Variants in EVA1A observed in about 807,000 individuals in gnomAD.
EVA1A encodes the protein eva-1 homolog A, regulator of programmed cell death.
Under a neutral mutation model 9.8 loss-of-function variants are expected in EVA1A, and 7 were observed. The observed-to-expected ratio is 0.71, with a 90% CI of 0.41 to 1.34. The LOEUF (loss-of-function observed/expected upper bound fraction) is 1.34, where lower values mean the gene tolerates loss of function less well. EVA1A is among the 40% of genes most tolerant of loss of function. The pLI is 0.01. For synonymous variants in EVA1A, 90 were observed against 85.6 expected, an observed-to-expected ratio of 1.05 and a Z score of -0.28; for missense variants, 206 against 205.9, an observed-to-expected ratio of 1.00 and a Z score of 0.00.
rs115723766 is a variant in EVA1A, at chr2:75,531,320, C to T, written c.-191-8833G>A. Among the ~76,000 whole-genome samples the T allele has an allele frequency of 6.0e-3, 915 of 152,232 alleles. 9 individuals are homozygous for T. Among genetic ancestry groups the T allele is most frequent in the Middle Eastern group, 0.014 (4 of 294 alleles). On this transcript the variant is annotated intron_variant, in intron 1 of 3. Transcript: ENST00000393913. ...CTGCTGGTGGGAATGTAAACCAGTA[C>T]GACCACTATACGACAGTACAGAGAT...
At chr2:75,534,281 G>A (rs1675795162) in intron 1 of EVA1A, among the ~76,000 whole-genome samples, 1 of 152,116 alleles carries the variant, frequency 6.6e-6, no homozygotes, top group African/African-American at 2.4e-5. Flanking sequence ...ATTAATGTAT[G>A]TAAAGGAAAT....
chr2:75,551,980 AAACCAGCCTGGTC>A (rs1358159374), intron 1 of EVA1A, among the ~76,000 whole-genome samples: 4 of 152,142 alleles, frequency 2.6e-5, no homozygotes, highest in Admixed American at 1.3e-4. Context: ...CAGAAGTTCA[AAACCAGCCTGGTC>A]AACATAGTGA....
At chr2:75,543,672 G>T (rs1283338288) in intron 1 of EVA1A, among the ~76,000 whole-genome samples, 2 of 152,084 alleles carry the variant, frequency 1.3e-5, no homozygotes, top group African/African-American at 4.8e-5. Flanking sequence ...GGAGGTGGGC[G>T]GCTTCTACCT....
chr2:75,545,799 G>A (rs993345048), intron 1 of EVA1A, among the ~76,000 whole-genome samples: 3 of 152,136 alleles, frequency 2.0e-5, no homozygotes, highest in African/African-American at 7.2e-5. Flanking sequence ...TCTCCTAGGG[G>A]GAGGAGAGGT....
intron 1 of EVA1A, among the ~76,000 whole-genome samples, chr2:75,531,422 C>T (rs1322248712): frequency 6.6e-6 from 1 of 152,080 alleles, no homozygotes; most frequent in Non-Finnish European, 1.5e-5. Context: ...AGGAAAATGT[C>T]ATTAAATGGA....
upstream of EVA1A, among the ~76,000 whole-genome samples, chr2:75,563,003 A>G (rs1434211139): frequency 6.6e-6 from 1 of 152,196 alleles, no homozygotes; most frequent in Non-Finnish European, 1.5e-5. Flanking sequence ...AGGCTGGAGA[A>G]AGGACACCTG....
intron 2 of EVA1A, chr2:75,518,938 C>A: frequency 1.1e-6 from 1 of 884,318 alleles, no homozygotes; most frequent in African/African-American, 1.8e-5. Context: ...TCGAGCTGCT[C>A]CCTGCCTCTA....
Position 75,513,810 on chromosome 2 carries a change from A to G in EVA1A, c.85+4246T>C, listed in dbSNP as rs1674908588. Among the ~76,000 whole-genome samples the G allele has an allele frequency of 1.3e-5, 2 of 152,216 alleles. 1 individual carries two copies. Among genetic ancestry groups the G allele is most frequent in the South Asian group, 4.1e-4 (2 of 4,830 alleles). The stretch of plus-strand genomic sequence containing the variant: ...GAGAAAGAAAAAGACAGGCCTCTAC[A>G]TGTTTGTGCTAATGAGCCAATGTTA... On this transcript the variant is annotated intron_variant, in intron 3 of 3. Coordinates refer to ENST00000393913, the MANE Select transcript of EVA1A (RefSeq NM_001135032.2).
chr2:75,524,386 C>T (rs1238728148), intron 1 of EVA1A, among the ~76,000 whole-genome samples: 1 of 151,968 alleles, frequency 6.6e-6, no homozygotes, highest in East Asian at 1.9e-4. Context: ...CATCTTTTCT[C>T]TGCACAGCCT....
Position 75,493,211 on chromosome 2 carries a change from G to T in EVA1A, c.*25C>A, listed in dbSNP as rs1674088552. On this transcript the variant is annotated 3_prime_UTR_variant, in exon 4 of 4. Transcript: ENST00000393913. ...CGCTCTCCTTTCCAGGCGGCCTCCA[G>T]TGGTTTCCGGGGTCCTGCTGCTCCC... 6.3e-7 allele frequency: 1 copy of T among 1,586,756 alleles called. No homozygotes were observed. Among genetic ancestry groups the T allele is most frequent in the Non-Finnish European group, 8.6e-7 (1 of 1,165,542 alleles).
At chr2:75,569,130 G>C (rs909729220) in intron 1 of EVA1A, among the ~76,000 whole-genome samples, 1 of 151,750 alleles carries the variant, frequency 6.6e-6, no homozygotes, top group Admixed American at 6.6e-5. Flanking sequence ...AACATATATT[G>C]TTTTTTGACA....
At chr2:75,533,627 T>A (rs1333379849) in intron 1 of EVA1A, among the ~76,000 whole-genome samples, 2 of 152,076 alleles carry the variant, frequency 1.3e-5, no homozygotes, top group African/African-American at 4.8e-5. Context: ...TAACACTTTC[T>A]GATGTGGTTC....
Position 75,493,460 on chromosome 2 carries a change from T to C in EVA1A, c.235A>G (p.Ser79Gly). Residue 79 changes from serine to glycine, a missense_variant, in exon 4 of 4, where the codon AGC (serine) becomes GGC (glycine). Ser to Gly is a moderately conservative substitution (Grantham distance 56). Coordinates refer to ENST00000393913, the MANE Select transcript of EVA1A (RefSeq NM_001135032.2). The stretch of plus-strand genomic sequence containing the variant: ...CCATCCTCGCTGTCGCTGCTGTCGC[T>C]GCTGCTCTCTCTGTCCTGCAGGAAC... Reference protein sequence around the residue: ...KKFLQDRESSSDSSDSEDGSE... With the variant: ...KKFLQDRESSGDSSDSEDGSE... 6.2e-7 allele frequency: 1 copy of C among 1,613,218 alleles called. No homozygotes were observed. Among genetic ancestry groups the C allele is most frequent in the South Asian group, 1.1e-5 (1 of 91,062 alleles).
chr2:75,558,077 C>T (rs1489114055), intron 1 of EVA1A, among the ~76,000 whole-genome samples: 2 of 152,248 alleles, frequency 1.3e-5, no homozygotes, highest in Admixed American at 6.5e-5. Flanking sequence ...AGTGCTTAGC[C>T]TCTCTGTGCC....
At chr2:75,528,088 C>T (rs1675515217) in intron 1 of EVA1A, among the ~76,000 whole-genome samples, 1 of 152,226 alleles carries the variant, frequency 6.6e-6, no homozygotes, top group African/African-American at 2.4e-5. Context: ...GCCCTGTAGG[C>T]ACTCCTGATC....
chr2:75,531,534 T>A, intron 1 of EVA1A, among the ~76,000 whole-genome samples: 1 of 150,168 alleles, frequency 6.7e-6, no homozygotes, highest in East Asian at 1.9e-4. Flanking sequence ...TAATATGTAG[T>A]TATATATATA....
intron 3 of EVA1A, among the ~76,000 whole-genome samples, chr2:75,505,903 T>C (rs1674604315): frequency 6.7e-6 from 1 of 148,328 alleles, no homozygotes; most frequent in African/African-American, 2.6e-5. Context: ...ATAGTGAATA[T>C]TCCTTTGTTC....
Position 75,549,004 on chromosome 2 carries a change from ATATAT to A in EVA1A, c.-192+11671_-192+11675del, listed in dbSNP as rs1316975894. Among the ~76,000 whole-genome samples, 635 of 100,602 alleles carry A rather than the reference ATATAT, an allele frequency of 6.3e-3. 2 individuals carry two copies. The highest frequency in any genetic ancestry group is 0.038 in the East Asian group (131 of 3,426). The allele number at this position is 100,602 out of a possible 152,430, so 66.0% of individuals were successfully genotyped here. ...GAAAAATATATATATATATATATAT[ATATAT>A]TTTTTTTTTTTTTACTAATAAATCA... On this transcript the variant is annotated intron_variant, in intron 1 of 3. Transcript: ENST00000393913.
At chr2:75,551,920 C>T (rs547523497) in intron 1 of EVA1A, among the ~76,000 whole-genome samples, 28 of 152,300 alleles carry the variant, frequency 1.8e-4, no homozygotes, top group African/African-American at 6.5e-4. Context: ...GTAGCTCATG[C>T]CTGTAATTCT....
Sources: gnomAD v4.1 joint callset for allele counts (sites outside exome capture counted in the v4.1 genomes callset) on GRCh38, gnomAD v4.1.1 for gene constraint, MANE v1.5 for transcripts, NCBI Gene and HGNC (gene_info 2026-07-23, HGNC 2026-07-21) for gene names.